KLHL32: variants seen among roughly 807,000 people sequenced by gnomAD.
KLHL32 encodes the protein kelch-like protein 32.
KLHL32 carries 35 observed loss-of-function variants against 64.8 expected under a neutral mutation model. That is an observed-to-expected ratio of 0.54 (90% CI 0.41 to 0.72). The LOEUF is 0.72. Ranked by LOEUF, KLHL32 falls within the 30% of genes least tolerant of loss-of-function variation. The pLI is 0.00. For synonymous variants in KLHL32, 259 were observed against 281.0 expected (o/e 0.92, Z 0.78); for missense variants, 589 against 768.5 (o/e 0.77, Z 2.76).
rs754549868 is a variant in KLHL32 at position 97,041,551 on chromosome 6, G to C, written c.264G>C (p.Val88=). 6.2e-7 allele frequency: 1 copy of C among 1,613,918 alleles called. No individual in the cohort carries two copies. Among genetic ancestry groups the C allele is most frequent in the Non-Finnish European group, 8.5e-7 (1 of 1,179,874 alleles). Residue 88 remains valine (V), a synonymous_variant, in exon 4 of 11, where the codon GTG becomes GTC. Coordinates refer to ENST00000369261, the MANE Select transcript of KLHL32 (RefSeq NM_052904.4). ...CTGATGAGGTTAATTTGCACGGTGTGACCAGCCTTGGCTTAAAGCAGGCTC... is the reference window on the plus strand; with the variant it reads ...CTGATGAGGTTAATTTGCACGGTGTCACCAGCCTTGGCTTAAAGCAGGCTC... ...SGADEVNLHG[V]TSLGLKQALE...
chr6:97,097,419 G>A (rs894605645), intron 6 of KLHL32, among the ~76,000 whole-genome samples: 4 of 152,168 alleles, frequency 2.6e-5, no homozygotes, highest in African/African-American at 7.2e-5. Flanking sequence ...GGCATCAGAC[G>A]GATGTTTAAT....
intron 5 of KLHL32, among the ~76,000 whole-genome samples, chr6:97,080,380 C>T (rs1275876576): frequency 1.3e-5 from 2 of 152,112 alleles, no homozygotes; most frequent in Non-Finnish European, 2.9e-5. Flanking sequence ...TATAAGTAAA[C>T]AGAAAAAGCT....
chr6:97,105,867 T>C (rs1796345388), intron 6 of KLHL32, among the ~76,000 whole-genome samples: 1 of 152,246 alleles, frequency 6.6e-6, no homozygotes, highest in South Asian at 2.1e-4. Context: ...GAGCCTGCTT[T>C]TTAAGGGCAC....
At chr6:97,063,891 C>T (rs558296457) in intron 4 of KLHL32, among the ~76,000 whole-genome samples, 15 of 152,222 alleles carry the variant, frequency 9.9e-5, no homozygotes, top group African/African-American at 2.9e-4. Context: ...TCAACATGGT[C>T]GTGTGCCTTT....
intron 5 of KLHL32, among the ~76,000 whole-genome samples, chr6:97,069,436 G>T (rs2128160273): frequency 7.1e-6 from 1 of 140,508 alleles, no homozygotes. Context: ...GGCAATTTCA[G>T]TAAGAAACTA....
chr6:97,020,207 C>T (rs1781802896), intron 3 of KLHL32, among the ~76,000 whole-genome samples: 1 of 150,168 alleles, frequency 6.7e-6, no homozygotes, highest in Non-Finnish European at 1.5e-5. Flanking sequence ...TCCCAAAGTG[C>T]TGGGATTACA....
At chr6:96,914,266 A>C in the KLHL32 span, among the ~76,000 whole-genome samples, 1 of 152,046 alleles carries the variant, frequency 6.6e-6, no homozygotes, top group African/African-American at 2.4e-5. Context: ...AATATAATAC[A>C]TTTGTATTTG....
intron 1 of KLHL32, among the ~76,000 whole-genome samples, chr6:96,945,400 C>T (rs1264226970): frequency 6.6e-6 from 1 of 152,146 alleles, no homozygotes; most frequent in Non-Finnish European, 1.5e-5. Flanking sequence ...TGGGGCAGGC[C>T]CTTTCAGAGA....
At chr6:96,963,763 T>C (rs900635163) in intron 1 of KLHL32, among the ~76,000 whole-genome samples, 1 of 152,224 alleles carries the variant, frequency 6.6e-6, no homozygotes, top group African/African-American at 2.4e-5. Flanking sequence ...CAATAAATTC[T>C]CTGTTCACCA....
chr6:96,931,310 G>A (rs574622530), intron 1 of KLHL32, among the ~76,000 whole-genome samples: 5 of 152,270 alleles, frequency 3.3e-5, no homozygotes, highest in African/African-American at 1.2e-4. Flanking sequence ...TGACCCAGGA[G>A]TGCACATGAG....
chr6:96,921,551 C>G (rs1201471563), upstream of KLHL32, among the ~76,000 whole-genome samples: 5 of 152,154 alleles, frequency 3.3e-5, no homozygotes, highest in Non-Finnish European at 5.9e-5. Context: ...GCTCTGTTCT[C>G]TTGAGTAGTA....
chr6:97,001,514 C>A (rs573652682), intron 3 of KLHL32, among the ~76,000 whole-genome samples: 23 of 152,164 alleles, frequency 1.5e-4, no homozygotes, highest in African/African-American at 5.3e-4. Flanking sequence ...ATCACTCAGA[C>A]TGAAGTGCAG....
intron 6 of KLHL32, among the ~76,000 whole-genome samples, chr6:97,111,193 A>T (rs78020362): frequency 0.018 from 2,792 of 152,308 alleles, 83 homozygotes; most frequent in African/African-American, 0.064. Context: ...AGGGAAACAG[A>T]GCCAACATTC....
the KLHL32 span, among the ~76,000 whole-genome samples, chr6:96,908,992 G>C: frequency 6.6e-6 from 1 of 152,170 alleles, no homozygotes; most frequent in African/African-American, 2.4e-5. Flanking sequence ...TCCGTTTGAA[G>C]GGTACAGAGA....
At position 96,943,101 on chromosome 6, in the gene KLHL32, CATAT is replaced by C. The variant is rs1234482641; in HGVS notation, c.-66+18077_-66+18080del. Among the ~76,000 whole-genome samples, 4 of 151,516 alleles carry C rather than the reference CATAT, an allele frequency of 2.6e-5. No individual in the cohort carries two copies. In the East Asian group the frequency reaches 7.8e-4, roughly 29 times the overall value. On this transcript the variant is annotated intron_variant, in intron 1 of 10. Transcript: ENST00000369261. ...ACATACACACACATATATGCACATACATATACACATATACACATACCAGCATATA... is the reference window on the plus strand; with the variant it reads ...ACATACACACACATATATGCACATACACACATATACACATACCAGCATATA...
chr6:97,078,849 A>G (rs954261824), intron 5 of KLHL32, among the ~76,000 whole-genome samples: 7 of 152,238 alleles, frequency 4.6e-5, no homozygotes, highest in African/African-American at 1.4e-4. Flanking sequence ...CATAATGTGT[A>G]TAATTTCTGT....
intron 3 of KLHL32, among the ~76,000 whole-genome samples, chr6:96,989,077 A>G (rs930217876): frequency 7.2e-5 from 11 of 152,242 alleles, no homozygotes; most frequent in Non-Finnish European, 1.3e-4. Flanking sequence ...CACGTTGTGC[A>G]CATGTACCCT....
At chr6:97,030,790 A>G (rs772938778) in intron 3 of KLHL32, among the ~76,000 whole-genome samples, 1 of 152,172 alleles carries the variant, frequency 6.6e-6, no homozygotes, top group Non-Finnish European at 1.5e-5. Context: ...ACATTTTGGT[A>G]TCTAAAACAC....
intron 7 of KLHL32, among the ~76,000 whole-genome samples, chr6:97,126,751 CTT>C (rs1354808627): frequency 6.6e-6 from 1 of 152,066 alleles, no homozygotes; most frequent in Non-Finnish European, 1.5e-5. Flanking sequence ...TATAAAATAT[CTT>C]AATAATTTTT....
Sources: gnomAD v4.1 joint callset for allele counts (sites outside exome capture counted in the v4.1 genomes callset) on GRCh38, gnomAD v4.1.1 for gene constraint, MANE v1.5 for transcripts, NCBI Gene and HGNC (gene_info 2026-07-23, HGNC 2026-07-21) for gene names.